BACH2: variants seen among roughly 807,000 people sequenced by gnomAD.
BACH2 encodes the protein BACH transcriptional regulator 2.
BACH2 carries 5 observed loss-of-function variants against 61.8 expected under a neutral mutation model. The ratio of observed to expected loss-of-function variants is 0.08; its 90% CI spans 0.04 to 0.17. The LOEUF (loss-of-function observed/expected upper bound fraction) is 0.17. Among genes scored for constraint, BACH2 ranks in the 10% least tolerant of loss-of-function variants. The pLI, the probability that BACH2 is intolerant of heterozygous loss-of-function variation, is 1.00. For synonymous variants in BACH2, 446 were observed against 440.1 expected, an observed-to-expected ratio of 1.01 and a Z score of -0.17; for missense variants, 824 against 1,091.1, an observed-to-expected ratio of 0.76 and a Z score of 3.45.
chr6:89,939,149 C>T (rs1483496383), intron 7 of BACH2, among the ~76,000 whole-genome samples: 1 of 152,134 alleles, frequency 6.6e-6, no homozygotes, highest in Non-Finnish European at 1.5e-5. Context: ...GTTTCTGAGG[C>T]TAGGTCGAAA....
chr6:90,083,109 GGGA>G (rs1781791140), intron 5 of BACH2, among the ~76,000 whole-genome samples: 1 of 152,104 alleles, frequency 6.6e-6, no homozygotes. Flanking sequence ...TCTAGCTAAT[GGGA>G]CATCCTTGGA....
chr6:90,180,521 AACC>A (rs1768122477), intron 4 of BACH2, among the ~76,000 whole-genome samples: 1 of 152,080 alleles, frequency 6.6e-6, no homozygotes, highest in African/African-American at 2.4e-5. Flanking sequence ...TTCATGCCTC[AACC>A]ACCTCTCAAC....
chr6:89,963,861 G>A (rs1341514551), intron 6 of BACH2, among the ~76,000 whole-genome samples: 1 of 152,192 alleles, frequency 6.6e-6, no homozygotes, highest in Non-Finnish European at 1.5e-5. Flanking sequence ...TACATACAAT[G>A]GACTCTCAGC....
chr6:90,259,135 C>T (rs1439087603), intron 2 of BACH2, among the ~76,000 whole-genome samples: 1 of 152,136 alleles, frequency 6.6e-6, no homozygotes, highest in Admixed American at 6.5e-5. Context: ...GGCATCCATG[C>T]CTGCCTGATA....
At chr6:90,292,636 T>C (rs1772215944) in intron 1 of BACH2, among the ~76,000 whole-genome samples, 1 of 152,242 alleles carries the variant, frequency 6.6e-6, no homozygotes, top group South Asian at 2.1e-4. Context: ...CAGGTAGTTG[T>C]AACCATTCAT....
chr6:90,199,895 T>C (rs773585368), intron 4 of BACH2, among the ~76,000 whole-genome samples: 5 of 152,250 alleles, frequency 3.3e-5, no homozygotes, highest in Non-Finnish European at 7.3e-5. Flanking sequence ...TCCAGATTCT[T>C]GTTAGAGGAA....
chr6:90,295,281 C>T (rs1772305344), intron 1 of BACH2, among the ~76,000 whole-genome samples: 1 of 152,252 alleles, frequency 6.6e-6, no homozygotes, highest in African/African-American at 2.4e-5. Flanking sequence ...AGTTACCAAA[C>T]TCGCCTACGC....
intron 4 of BACH2, among the ~76,000 whole-genome samples, chr6:90,159,350 G>A (rs559297869): frequency 1.3e-5 from 2 of 152,314 alleles, no homozygotes; most frequent in South Asian, 4.1e-4. Context: ...AACTGAATAT[G>A]TGTTTCAGAA....
At chr6:90,241,920 A>C (rs1582523473) in intron 3 of BACH2, among the ~76,000 whole-genome samples, 1 of 150,402 alleles carries the variant, frequency 6.6e-6, no homozygotes, top group Non-Finnish European at 1.5e-5. Flanking sequence ...CTAAGCTACA[A>C]TCTATCCTGA....
chr6:90,101,485 G>A lies in BACH2; in HGVS notation c.-161-12376C>T, dbSNP rs148030079. ...TCCTGTTGTCCTGGCACTATATGTT[G>A]AAAAGACTGTTCTTTCCTCATCAAA... On this transcript the variant is annotated intron_variant, in intron 4 of 8. Coordinates refer to ENST00000257749, the MANE Select transcript of BACH2 (RefSeq NM_021813.4). Among the ~76,000 whole-genome samples, 1,509 of 152,234 alleles carry A rather than the reference G, an allele frequency of 9.9e-3. 29 individuals carry two copies. The highest frequency in any genetic ancestry group is 0.034 in the African/African-American group (1,403 of 41,542).
chr6:90,210,523 A>G lies in BACH2; in HGVS notation c.-274-3842T>C, dbSNP rs1032737076. 7.2e-5 allele frequency among the ~76,000 whole-genome samples: 11 copies of G among 152,298 alleles called. No individual in the cohort carries two copies. The East Asian group carries it at 1.2e-3, about 16-fold the overall frequency. On this transcript the variant is annotated intron_variant, in intron 3 of 8. Transcript: ENST00000257749. ...AGGGAACCTGGTTGTTTTGCAGCCA[A>G]TTCAGTTTATGAAGAAGCTTAGCAA...
At chr6:90,027,206 C>G (rs538474306) in intron 5 of BACH2, among the ~76,000 whole-genome samples, 7 of 152,136 alleles carry the variant, frequency 4.6e-5, no homozygotes, top group Non-Finnish European at 1.0e-4. Flanking sequence ...ACACGCAGGT[C>G]AAATGCCCTT....
rs1772378799 is a variant in BACH2, at chr6:89,926,723, T to C, written c.*5685A>G. On this transcript the variant is annotated 3_prime_UTR_variant, in exon 9 of 9. Coordinates refer to ENST00000257749, the MANE Select transcript of BACH2 (RefSeq NM_021813.4). Reference sequence around the variant, plus strand: ...CCCCCAAAAGGTAAAAATTCTTAGTTACAGAGAATAAGCATCAACAGCCTT... The same window carrying C: ...CCCCCAAAAGGTAAAAATTCTTAGTCACAGAGAATAAGCATCAACAGCCTT... 1 of 152,578 alleles carries C rather than the reference T, an allele frequency of 6.6e-6. No individual in the cohort carries two copies. The highest frequency in any genetic ancestry group is 1.5e-5 in the Non-Finnish European group (1 of 68,028). 9.5% of individuals were successfully genotyped at this position (152,578 alleles called of 1,614,324 possible). A position where few individuals can be genotyped will look rare whatever the true frequency, so the allele number is the denominator to read the frequency against.
intron 3 of BACH2, among the ~76,000 whole-genome samples, chr6:90,210,678 T>A (rs1769315473): frequency 6.6e-6 from 1 of 152,190 alleles, no homozygotes; most frequent in Non-Finnish European, 1.5e-5. Flanking sequence ...TTTTTATTGT[T>A]TTAAGAAGTT....
At chr6:90,239,082 G>A (rs1770348205) in intron 3 of BACH2, among the ~76,000 whole-genome samples, 1 of 152,188 alleles carries the variant, frequency 6.6e-6, no homozygotes. Flanking sequence ...TTTACTGACT[G>A]AAAGCCACTA....
intron 2 of BACH2, among the ~76,000 whole-genome samples, chr6:90,266,479 C>A (rs892980311): frequency 1.3e-5 from 2 of 152,086 alleles, no homozygotes; most frequent in Non-Finnish European, 2.9e-5. Context: ...TTGTTCACAG[C>A]AGCCAAAAGG....
chr6:90,014,284 T>TC (rs1200459380), intron 5 of BACH2, among the ~76,000 whole-genome samples: 1 of 150,418 alleles, frequency 6.6e-6, no homozygotes, highest in Admixed American at 6.6e-5. Context: ...AAGCTTTTTT[T>TC]TTTTTTTCTT....
intron 4 of BACH2, among the ~76,000 whole-genome samples, chr6:90,132,742 A>G (rs1292313185): frequency 6.6e-6 from 1 of 152,208 alleles, no homozygotes; most frequent in Admixed American, 6.5e-5. Context: ...GGCTTACAAA[A>G]GGGCAGTCCA....
intron 6 of BACH2, among the ~76,000 whole-genome samples, chr6:89,994,994 C>CT (rs2127776267): frequency 6.6e-6 from 1 of 152,262 alleles, no homozygotes; most frequent in South Asian, 2.1e-4. Flanking sequence ...CCTCCAACCA[C>CT]TTTTTCTGAT....
Sources: allele counts gnomAD v4.1 joint callset (sites outside exome capture counted in the v4.1 genomes callset), GRCh38; gene constraint gnomAD v4.1.1; transcripts MANE v1.5; gene names NCBI Gene and HGNC (gene_info 2026-07-23, HGNC 2026-07-21).